ZNF846: variants seen among roughly 807,000 people sequenced by gnomAD.
The protein encoded by ZNF846 is zinc finger protein 846.
A neutral mutation model predicts 16.0 loss-of-function variants in ZNF846; 15 were observed. The observed-to-expected ratio is 0.94, with a 90% CI of 0.63 to 1.45. The LOEUF (loss-of-function observed/expected upper bound fraction) is 1.45, where lower values mean the gene tolerates loss of function less well. Ranked by LOEUF, ZNF846 falls within the 40% of genes most tolerant of loss-of-function variation. ZNF846 has a pLI of 0.00. For missense variants in ZNF846, 714 were observed against 622.3 expected (o/e 1.15, Z -1.57); for synonymous variants, 229 against 212.0 (o/e 1.08, Z -0.70).
upstream of ZNF846, among the ~76,000 whole-genome samples, chr19:9,773,403 T>C (rs1295232807): frequency 6.6e-6 from 1 of 152,204 alleles, no homozygotes; most frequent in Non-Finnish European, 1.5e-5. Context: ...TGCCTGTACC[T>C]ATAGCTGAGT....
chr19:9,762,108 C>T lies in ZNF846; in HGVS notation c.203G>A (p.Arg68Lys), dbSNP rs758271592. The change falls in exon 4 of 6, where the codon AGG (arginine) becomes AAG (lysine). Residue 68 changes from arginine to lysine, a missense_variant. Transcript: ENST00000397902. ...CTGCAGAACTCCTGTCACTCCTGTC[C>T]TCAGCTCTTCCATTTGTTCCAATCC... The T allele has an allele frequency of 6.8e-5, 109 of 1,613,922 alleles. No homozygotes were observed. Among genetic ancestry groups the T allele is most frequent in the South Asian group, 8.8e-5 (8 of 91,086 alleles).
exon 6 of ZNF846, chr19:9,757,878 C>G (rs775957992): frequency 4.3e-6 from 7 of 1,613,388 alleles, no homozygotes; most frequent in Non-Finnish European, 5.9e-6. Flanking sequence ...AAAGGCTTTC[C>G]CACATTCTTT....
Position 9,774,392 on chromosome 19 carries a change from C to T in ZNF846, c.-85-9357G>A, listed in dbSNP as rs574306403. The T allele has an allele frequency of 1.7e-3, 942 of 553,344 alleles. 1 individual carries two copies. Among genetic ancestry groups the T allele is most frequent in the Non-Finnish European group, 2.4e-3 (741 of 304,712 alleles). The allele number at this position is 553,344 out of a possible 1,614,324, so 34.3% of individuals were successfully genotyped here. A position where few individuals can be genotyped will look rare whatever the true frequency, so the allele number is the denominator to read the frequency against. On this transcript the variant is annotated intron_variant, in intron 1 of 4. Transcript: ENST00000586814. The stretch of plus-strand genomic sequence containing the variant: ...CTGAGGCAGGAGAATGGCGTGAACC[C>T]GGGAGGTGGAGCTTGCAGTGAACTG...
chr19:9,749,780 C>T (rs2145145557), downstream of ZNF846, among the ~76,000 whole-genome samples: 1 of 152,238 alleles, frequency 6.6e-6, no homozygotes. Context: ...TCTCCTGTCT[C>T]CCTACACCTC....
chr19:9,757,031 T>G, downstream of ZNF846, among the ~76,000 whole-genome samples: 1 of 151,242 alleles, frequency 6.6e-6, no homozygotes. Context: ...CTGTCTCTAC[T>G]AAAAATACAA....
chr19:9,769,572 C>CT (rs1376977632), upstream of ZNF846, among the ~76,000 whole-genome samples: 5 of 152,002 alleles, frequency 3.3e-5, no homozygotes, highest in African/African-American at 1.2e-4. Context: ...CTTCAACCCT[C>CT]TGCAGGGATA....
chr19:9,749,546 C>CTTTTTTTTTTTTTTTTTTTTTTTT (rs60331343), downstream of ZNF846, among the ~76,000 whole-genome samples: 1 of 125,562 alleles, frequency 8.0e-6, no homozygotes, highest in African/African-American at 3.1e-5. Flanking sequence ...ATAAGTCTTT[C>CTTTTTTTTTTTTTTTTTTTTTTTT]TTTTTTTTTT....
chr19:9,753,546 G>A (rs68176351), downstream of ZNF846, among the ~76,000 whole-genome samples: 16,738 of 151,016 alleles, frequency 0.11, 1,582 homozygotes, highest in African/African-American at 0.21. Flanking sequence ...GAGCCACCGT[G>A]CCCAGCCTAG....
intron 5 of ZNF846, 99 bp from the exon 6 acceptor site, chr19:9,758,863 A>G: frequency 2.1e-6 from 2 of 969,764 alleles, no homozygotes; most frequent in Non-Finnish European, 3.0e-6. Flanking sequence ...AATATATTTA[A>G]ACATTTTAAC....
At chr19:9,785,284 G>A (rs2045546466) in intron 1 of ZNF846, among the ~76,000 whole-genome samples, 1 of 141,406 alleles carries the variant, frequency 7.1e-6, no homozygotes, top group African/African-American at 2.6e-5. Context: ...TGCAACTTCC[G>A]CCTCCCAGGT....
chr19:9,769,714 G>A (rs1054997712), upstream of ZNF846, among the ~76,000 whole-genome samples: 3 of 152,012 alleles, frequency 2.0e-5, no homozygotes, highest in Admixed American at 6.6e-5. Flanking sequence ...AGTGGCTCAC[G>A]CCTGTAATCC....
At chr19:9,761,794 G>A (rs2045234708) in intron 4 of ZNF846, among the ~76,000 whole-genome samples, 1 of 151,896 alleles carries the variant, frequency 6.6e-6, no homozygotes, top group Non-Finnish European at 1.5e-5. Context: ...AAAGATGGGA[G>A]AATCAAGAAA....
chr19:9,784,149 GTA>G (rs1380817976), intron 1 of ZNF846, among the ~76,000 whole-genome samples: 6 of 152,202 alleles, frequency 3.9e-5, no homozygotes, highest in African/African-American at 1.4e-4. Flanking sequence ...AAGACACAAA[GTA>G]TAGAGGAAGA....
At chr19:9,774,526 C>T (rs1331485976) in intron 1 of ZNF846, 3 of 1,318,052 alleles carry the variant, frequency 2.3e-6, no homozygotes, top group African/African-American at 2.9e-5. Context: ...TGATTAAGAG[C>T]TTGAGGAAAT....
In ZNF846 at chr19:9,782,472, A is replaced by G. The variant is rs78406966; in HGVS notation, c.-86+3466T>C. On this transcript the variant is annotated intron_variant, in intron 1 of 4. Coordinates refer to the ZNF846 transcript ENST00000586814. ...GAGATGGGGTCTTGCTAGGTTGCCCAGGCTTGTCTCCAACTCCTGGTCTCA... is the reference window on the plus strand; with the variant it reads ...GAGATGGGGTCTTGCTAGGTTGCCCGGGCTTGTCTCCAACTCCTGGTCTCA... Among the ~76,000 whole-genome samples, 879 of 152,214 alleles carry G rather than the reference A, an allele frequency of 5.8e-3. 3 individuals carry two copies. The highest frequency in any genetic ancestry group is 9.0e-3 in the Non-Finnish European group (614 of 68,020).
chr19:9,764,994 T>C lies in ZNF846; in HGVS notation c.-44A>G, dbSNP rs1219932094. The C allele has an allele frequency of 6.2e-6, 10 of 1,612,080 alleles. 1 individual carries two copies. The South Asian group carries it at 1.1e-4, about 18-fold the overall frequency. On this transcript the variant is annotated 5_prime_UTR_variant, in exon 2 of 6. Transcript: ENST00000397902. ...CCAGCCACTAGCCTTGGCTTCTCGA[T>C]GTTCCTGTCATGAAGACAGAAAGTG...
intron 1 of ZNF846, among the ~76,000 whole-genome samples, chr19:9,780,645 C>T (rs1428962970): frequency 2.0e-5 from 3 of 152,058 alleles, no homozygotes; most frequent in Non-Finnish European, 4.4e-5. Context: ...GGTAGGGTTT[C>T]ACCATGTTGG....
At chr19:9,775,530 A>G (rs1006485468) in intron 1 of ZNF846, among the ~76,000 whole-genome samples, 1 of 152,228 alleles carries the variant, frequency 6.6e-6, no homozygotes, top group Non-Finnish European at 1.5e-5. Flanking sequence ...TTGCAATGAA[A>G]GGTGCTAAGA....
chr19:9,775,564 A>C (rs2045431931), intron 1 of ZNF846, among the ~76,000 whole-genome samples: 1 of 152,236 alleles, frequency 6.6e-6, no homozygotes, highest in South Asian at 2.1e-4. Context: ...CATCTGGAAA[A>C]AGACAAAATT....
Sources: allele counts gnomAD v4.1 joint callset (sites outside exome capture counted in the v4.1 genomes callset), GRCh38; gene constraint gnomAD v4.1.1; transcripts MANE v1.5; gene names NCBI Gene and HGNC (gene_info 2026-07-23, HGNC 2026-07-21).